SLC44A5: variants seen among roughly 807,000 people sequenced by gnomAD.
The protein encoded by SLC44A5 is choline transporter-like protein 5.
Under a neutral mutation model 101.8 loss-of-function variants are expected in SLC44A5, and 57 were observed. That is an observed-to-expected ratio of 0.56 (90% CI 0.45 to 0.70). The LOEUF is 0.70. Ranked by LOEUF, SLC44A5 falls within the 30% of genes least tolerant of loss-of-function variation. The probability of loss-of-function intolerance (pLI) is 0.00; values close to 1 mark genes in which losing one functional copy is unlikely to be tolerated. For synonymous variants in SLC44A5, 281 were observed against 290.9 expected, an observed-to-expected ratio of 0.97 and a Z score of 0.35; for missense variants, 737 against 853.1, an observed-to-expected ratio of 0.86 and a Z score of 1.70.
chr1:75,263,060 C>T (rs76266467), intron 6 of SLC44A5, among the ~76,000 whole-genome samples: 28 of 152,254 alleles, frequency 1.8e-4, no homozygotes, highest in African/African-American at 6.7e-4. Context: ...CCATTTAGGA[C>T]ATAGGCATAG....
chr1:75,213,084 A>G (rs1646890170), intron 22 of SLC44A5, among the ~76,000 whole-genome samples: 1 of 152,164 alleles, frequency 6.6e-6, no homozygotes, highest in Admixed American at 6.5e-5. Flanking sequence ...CTGAGGCCTC[A>G]GCTGTAACTT....
Position 75,405,900 on chromosome 1 carries a change from T to C in SLC44A5, c.14-9279A>G, listed in dbSNP as rs12738775. On this transcript the variant is annotated intron_variant, in intron 2 of 23. Transcript: ENST00000370859. The stretch of plus-strand genomic sequence containing the variant: ...ATAGAGATAAAAAAAAAAAAAACCC[T>C]TTAAAAAATCAATGAATCCAGGAGC... Among the ~76,000 whole-genome samples the C allele has an allele frequency of 3.6e-5, 5 of 138,350 alleles. No individual in the cohort carries two copies. In the East Asian group the frequency reaches 1.1e-3, roughly 32 times the overall value. 90.8% of individuals were successfully genotyped at this position (138,350 alleles called of 152,430 possible).
At chr1:75,489,354 G>T (rs1053668659) in intron 2 of SLC44A5, among the ~76,000 whole-genome samples, 1 of 152,168 alleles carries the variant, frequency 6.6e-6, no homozygotes, top group Non-Finnish European at 1.5e-5. Flanking sequence ...ACTAACAAAA[G>T]TGTGTCTAGA....
chr1:75,558,796 G>A (rs1672358999), intron 1 of SLC44A5, among the ~76,000 whole-genome samples: 1 of 152,072 alleles, frequency 6.6e-6, no homozygotes, highest in African/African-American at 2.4e-5. Context: ...CAAAGAGAAG[G>A]AAAGTGCAGA....
At chr1:75,396,703 A>G (rs1662147795) in intron 2 of SLC44A5, 82 bp from the exon 3 acceptor site, 8 of 1,093,082 alleles carry the variant, frequency 7.3e-6, no homozygotes, top group Non-Finnish European at 1.1e-5. Context: ...TCCTTATCCT[A>G]AAAAATCTTA....
intron 7 of SLC44A5, among the ~76,000 whole-genome samples, chr1:75,250,402 T>C (rs1649468742): frequency 6.6e-6 from 1 of 152,206 alleles, no homozygotes; most frequent in Non-Finnish European, 1.5e-5. Context: ...CAATCTATCA[T>C]TGATGGGCAT....
chr1:75,253,823 T>C (rs972626324), intron 6 of SLC44A5, among the ~76,000 whole-genome samples: 3 of 152,162 alleles, frequency 2.0e-5, no homozygotes, highest in African/African-American at 7.2e-5. Flanking sequence ...ACCTTATTCA[T>C]CTTTACATCC....
At chr1:75,496,842 C>T (rs1477720388) in intron 2 of SLC44A5, among the ~76,000 whole-genome samples, 2 of 151,678 alleles carry the variant, frequency 1.3e-5, no homozygotes, top group Admixed American at 1.3e-4. Context: ...AAAATTTTTC[C>T]AAGGAAGACA....
intron 1 of SLC44A5, among the ~76,000 whole-genome samples, chr1:75,551,820 T>C (rs150080014): frequency 6.6e-6 from 1 of 152,260 alleles, no homozygotes; most frequent in East Asian, 1.9e-4. Flanking sequence ...GCCTGGCACA[T>C]GTTAGACTCT....
In SLC44A5 at chr1:75,336,709, G is replaced by A. The variant is rs115035180; in HGVS notation, c.101+2873C>T. ...ATGACTTTGACCTAATATAAAAAGA[G>A]AGAGATAAACAGAATAGGCTGAACT... On this transcript the variant is annotated intron_variant, in intron 4 of 23. Transcript: ENST00000370859. Among the ~76,000 whole-genome samples, 1,340 of 152,264 alleles carry A rather than the reference G, an allele frequency of 8.8e-3. 22 individuals carry two copies. The highest frequency in any genetic ancestry group is 0.031 in the African/African-American group (1,282 of 41,558).
chr1:75,455,158 A>G (rs1666118215), intron 2 of SLC44A5, among the ~76,000 whole-genome samples: 1 of 151,744 alleles, frequency 6.6e-6, no homozygotes. Context: ...AGCATGGTAC[A>G]AAAACAGACA....
chr1:75,660,546 A>G, the SLC44A5 span, among the ~76,000 whole-genome samples: 11 of 152,196 alleles, frequency 7.2e-5, no homozygotes, highest in African/African-American at 2.7e-4. Flanking sequence ...CCTCATTTGC[A>G]GATGACATAA....
chr1:75,285,413 T>A (rs552601651), intron 5 of SLC44A5, among the ~76,000 whole-genome samples: 4 of 152,110 alleles, frequency 2.6e-5, no homozygotes, highest in Non-Finnish European at 5.9e-5. Flanking sequence ...ATTTTGTTTA[T>A]CTTTTCAAAG....
At chr1:75,489,148 A>G (rs539127966) in intron 2 of SLC44A5, among the ~76,000 whole-genome samples, 26 of 152,262 alleles carry the variant, frequency 1.7e-4, no homozygotes, top group Non-Finnish European at 3.5e-4. Context: ...TTTTAATACT[A>G]TGATAGCTGT....
intron 2 of SLC44A5, among the ~76,000 whole-genome samples, chr1:75,412,510 T>G (rs2101516796): frequency 6.6e-6 from 1 of 152,200 alleles, no homozygotes; most frequent in East Asian, 1.9e-4. Flanking sequence ...GGAGTAAAAT[T>G]TCTTTCCTAT....
intron 4 of SLC44A5, among the ~76,000 whole-genome samples, chr1:75,302,751 C>T (rs972353347): frequency 3.9e-5 from 6 of 152,156 alleles, no homozygotes; most frequent in African/African-American, 1.4e-4. Context: ...GTTACTTGAA[C>T]ACAAGCACTG....
chr1:75,660,330 T>G, the SLC44A5 span, among the ~76,000 whole-genome samples: 3 of 151,946 alleles, frequency 2.0e-5, no homozygotes. Context: ...AAGGAACATA[T>G]CTCAAAAAAA....
the SLC44A5 span, among the ~76,000 whole-genome samples, chr1:75,681,710 C>T: frequency 4.0e-5 from 6 of 148,888 alleles, no homozygotes; most frequent in South Asian, 2.1e-4. Context: ...GACAGGGATG[C>T]CCTCTCTCAC....
At chr1:75,647,043 T>A in the SLC44A5 span, among the ~76,000 whole-genome samples, 5 of 152,310 alleles carry the variant, frequency 3.3e-5, no homozygotes, top group African/African-American at 1.2e-4. Flanking sequence ...CTATAGGGCA[T>A]GTCAGAGGTC....
Sources: allele counts gnomAD v4.1 joint callset (sites outside exome capture counted in the v4.1 genomes callset), GRCh38; gene constraint gnomAD v4.1.1; transcripts MANE v1.5; gene names NCBI Gene and HGNC (gene_info 2026-07-23, HGNC 2026-07-21).